The following PCLO variants were observed in gnomAD, a reference collection of about 807,000 sequenced individuals.
The protein encoded by PCLO is piccolo presynaptic cytomatrix protein.
In PCLO, 82 loss-of-function variants were observed where a neutral mutation model predicts 427.5. The observed-to-expected ratio is 0.19, with a 90% CI of 0.16 to 0.23. PCLO has a LOEUF of 0.23. Among genes scored for constraint, PCLO ranks in the 10% least tolerant of loss-of-function variants. The probability of loss-of-function intolerance (pLI) is 1.00; values close to 1 mark genes in which losing one functional copy is unlikely to be tolerated. For synonymous variants in PCLO, 2,357 were observed against 2,155.4 expected (o/e 1.09, Z -2.59); for missense variants, 6,239 against 6,115.9 (o/e 1.02, Z -0.67).
intron 8 of PCLO, among the ~76,000 whole-genome samples, chr7:82,907,577 A>T (rs1190003655): frequency 6.6e-6 from 1 of 152,036 alleles, no homozygotes; most frequent in Non-Finnish European, 1.5e-5. Flanking sequence ...ATACAATTTC[A>T]ATAGCAAGAC....
At position 82,950,110 on chromosome 7, in the gene PCLO, C is replaced by A. The variant is rs1196374557; in HGVS notation, c.10478G>T (p.Arg3493Leu). 6.2e-7 allele frequency: 1 copy of A among 1,610,600 alleles called. No individual in the cohort carries two copies. The highest frequency in any genetic ancestry group is 2.2e-5 in the East Asian group (1 of 44,728). ...DMPTRSRRKARVGKYGDSMTE... is the reference protein window; with the variant it reads ...DMPTRSRRKALVGKYGDSMTE... ...CATGCTGTCACCATATTTCCCTACA[C>A]GAGCTTTCCTCCTTGATCTAGTAGG... is the stretch of plus-strand genomic sequence containing the variant. The change falls in exon 6 of 25, where the codon CGT becomes CTT. Residue 3493 changes from arginine (R) to leucine (L), a missense_variant. By Grantham distance (102) the Arg-to-Leu change is moderately radical (BLOSUM62 -2). This residue lies in a region of PCLO where 4,677 missense variants were observed against 4,468.4 expected (regional missense o/e 1.05). Transcript: ENST00000333891.
chr7:83,090,032 C>T (rs1053582846), intron 3 of PCLO, among the ~76,000 whole-genome samples: 4 of 152,158 alleles, frequency 2.6e-5, no homozygotes, highest in Non-Finnish European at 1.5e-5. Context: ...TGGCCAGGCA[C>T]AGTGGCTCAA....
At chr7:82,869,214 A>G (rs543490079) in intron 10 of PCLO, among the ~76,000 whole-genome samples, 1 of 152,246 alleles carries the variant, frequency 6.6e-6, no homozygotes, top group South Asian at 2.1e-4. Flanking sequence ...TTCTGGAGAT[A>G]TAATATTGGC....
At position 82,796,379 on chromosome 7, in the gene PCLO, C is replaced by A. The variant is rs1278684066; in HGVS notation, c.15007+5139G>T. Among the ~76,000 whole-genome samples the A allele has an allele frequency of 2.0e-5, 3 of 152,184 alleles. No individual in the cohort carries two copies. The East Asian group carries it at 5.8e-4, about 30-fold the overall frequency. The stretch of plus-strand genomic sequence containing the variant: ...AATAGGAGGAGGCTTTCCCCTTGCA[C>A]CCTTTGCTCTAGCTTCACTGAATAA... On this transcript the variant is annotated intron_variant, in intron 22 of 24. Transcript: ENST00000333891.
intron 20 of PCLO, among the ~76,000 whole-genome samples, chr7:82,819,616 A>G (rs1006724119): frequency 6.6e-6 from 1 of 152,206 alleles, no homozygotes; most frequent in African/African-American, 2.4e-5. Context: ...ATGATAATCT[A>G]TAAACTGGGC....
At chr7:82,893,175 A>G (rs1444913429) in intron 9 of PCLO, among the ~76,000 whole-genome samples, 1 of 152,150 alleles carries the variant, frequency 6.6e-6, no homozygotes, top group Non-Finnish European at 1.5e-5. Flanking sequence ...AACCAAGCCA[A>G]ATGTCCAACA....
rs1341885544 is a variant in PCLO at position 82,953,284 on chromosome 7, G to T, written c.7669C>A (p.Pro2557Thr). The T allele has an allele frequency of 1.2e-6, 2 of 1,613,622 alleles. No homozygotes were observed. The highest frequency in any genetic ancestry group is 1.7e-6 in the Non-Finnish European group (2 of 1,179,824). ...VTSADYKLPSPTSPLSPHSNK... is the reference protein window; with the variant it reads ...VTSADYKLPSTTSPLSPHSNK... ...GAGTGTGGGGAAAGTGGGGAGGTAG[G>T]GGAAGGCAATTTATAATCTGCTGAA... The change falls in exon 5 of 25, where the codon CCT (proline) becomes ACT (threonine). Residue 2557 changes from proline to threonine, a missense_variant. Transcript: ENST00000333891.
At chr7:82,876,186 G>T (rs1020973631) in intron 10 of PCLO, among the ~76,000 whole-genome samples, 1 of 151,824 alleles carries the variant, frequency 6.6e-6, no homozygotes, top group Non-Finnish European at 1.5e-5. Flanking sequence ...CCTTAGGAAA[G>T]AATTAACTTT....
intron 16 of PCLO, among the ~76,000 whole-genome samples, chr7:82,828,519 A>C (rs796626088): frequency 1.4e-4 from 22 of 152,280 alleles, no homozygotes; most frequent in African/African-American, 5.1e-4. Flanking sequence ...ATTAAATATA[A>C]ATTTTTGGTT....
chr7:82,981,561 C>T (rs1179213032), intron 3 of PCLO, among the ~76,000 whole-genome samples: 1 of 152,056 alleles, frequency 6.6e-6, no homozygotes. Context: ...TATAATGGAA[C>T]TGAGTACTCT....
intron 6 of PCLO, among the ~76,000 whole-genome samples, chr7:82,921,498 G>T (rs1794594134): frequency 1.3e-5 from 2 of 151,982 alleles, no homozygotes; most frequent in African/African-American, 4.8e-5. Flanking sequence ...AAGGAGAAGT[G>T]ACTCCTTATT....
chr7:82,962,231 T>C (rs1795669916), intron 4 of PCLO, among the ~76,000 whole-genome samples: 1 of 152,174 alleles, frequency 6.6e-6, no homozygotes, highest in African/African-American at 2.4e-5. Context: ...GAAAATAAGT[T>C]TTCTAGTACT....
intron 3 of PCLO, among the ~76,000 whole-genome samples, chr7:83,049,121 C>T (rs1789172038): frequency 6.6e-6 from 1 of 152,114 alleles, no homozygotes; most frequent in African/African-American, 2.4e-5. Context: ...ACCAAGTTCA[C>T]CTCTTAGGGA....
chr7:82,992,398 A>C (rs1796398278), intron 3 of PCLO, among the ~76,000 whole-genome samples: 1 of 152,134 alleles, frequency 6.6e-6, no homozygotes. Flanking sequence ...AATGATGACC[A>C]AAAGTTGTTC....
chr7:82,785,252 C>G (rs1790961508), intron 22 of PCLO, among the ~76,000 whole-genome samples: 1 of 152,016 alleles, frequency 6.6e-6, no homozygotes, highest in African/African-American at 2.4e-5. Flanking sequence ...TCATAAGGAG[C>G]ACACAACCTA....
intron 8 of PCLO, among the ~76,000 whole-genome samples, chr7:82,905,330 T>C (rs1033069889): frequency 6.6e-6 from 1 of 152,032 alleles, no homozygotes; most frequent in African/African-American, 2.4e-5. Flanking sequence ...AGCCCTTTAC[T>C]TCACACACGG....
At position 82,981,973 on chromosome 7, in the gene PCLO, T is replaced by G. The variant is rs180936599; in HGVS notation, c.3301-15486A>C. ...ATACCTACCTTTCTTCTTCTCCGGT[T>G]TTTAAAATGGAAACATTGGTTAAAA... is the stretch of plus-strand genomic sequence containing the variant. On this transcript the variant is annotated intron_variant, in intron 3 of 24. Transcript: ENST00000333891. 1.8e-4 allele frequency among the ~76,000 whole-genome samples: 28 copies of G among 152,256 alleles called. No individual in the cohort carries two copies. In the East Asian group the frequency reaches 3.7e-3, roughly 20 times the overall value.
intron 4 of PCLO, among the ~76,000 whole-genome samples, chr7:82,961,259 G>C (rs1795650062): frequency 6.6e-6 from 1 of 152,170 alleles, no homozygotes; most frequent in Non-Finnish European, 1.5e-5. Context: ...TAGCAAAGTG[G>C]TCTGGAGGTT....
At chr7:82,798,270 G>A (rs547054289) in intron 22 of PCLO, among the ~76,000 whole-genome samples, 1 of 152,192 alleles carries the variant, frequency 6.6e-6, no homozygotes, top group South Asian at 2.1e-4. Flanking sequence ...AGAAAACTGT[G>A]CTTATCTACA....
Sources: allele counts gnomAD v4.1 joint callset (sites outside exome capture counted in the v4.1 genomes callset), GRCh38; gene constraint gnomAD v4.1.1; regional missense constraint gnomAD v4.1.1; transcripts MANE v1.5; gene names NCBI Gene and HGNC (gene_info 2026-07-23, HGNC 2026-07-21).